COMMD6: variants seen among roughly 807,000 people sequenced by gnomAD.
COMMD6 encodes COMM domain containing 6.
COMMD6 carries 11 observed loss-of-function variants against 13.4 expected under a neutral mutation model. That is an observed-to-expected ratio of 0.82 (90% confidence interval 0.52 to 1.36). The LOEUF (loss-of-function observed/expected upper bound fraction) is 1.36. Among genes scored for constraint, COMMD6 ranks in the 40% most tolerant of loss-of-function variants. The probability of loss-of-function intolerance (pLI) is 0.00; values close to 1 mark genes in which losing one functional copy is unlikely to be tolerated. For synonymous variants in COMMD6, 43 were observed against 36.5 expected (o/e 1.18, Z -0.64); for missense variants, 124 against 102.4 (o/e 1.21, Z -0.91).
intron 2 of COMMD6, chr13:75,530,507 G>GA (rs796782481): frequency 0.017 from 4,534 of 260,482 alleles, 39 homozygotes; most frequent in African/African-American, 0.042. Flanking sequence ...AACAAAAAGT[G>GA]AAAAAAAAAA....
Position 75,530,281 on chromosome 13 carries a change from G to T in COMMD6, c.55-15C>A, listed in dbSNP as rs1354480939. 2.5e-6 allele frequency: 4 copies of T among 1,594,772 alleles called. No individual in the cohort carries two copies. Among genetic ancestry groups the T allele is most frequent in the Non-Finnish European group, 3.4e-6 (4 of 1,169,190 alleles). ...AAATCTACAAGCTTTAATAAGACAG[G>T]ACAAAATAATACATTAGTAGTAACA... On this transcript the variant is annotated splice_polypyrimidine_tract_variant and intron_variant, in intron 2 of 3. Transcript: ENST00000682242.
intron 2 of COMMD6, among the ~76,000 whole-genome samples, chr13:75,532,712 T>G (rs1329274860): frequency 6.6e-6 from 1 of 152,186 alleles, no homozygotes; most frequent in Non-Finnish European, 1.5e-5. Flanking sequence ...ACGCCTGTAG[T>G]CTTAATTTAT....
In COMMD6 at chr13:75,535,453, C is replaced by T. The variant is rs552811575; in HGVS notation, c.54+2211G>A. Among the ~76,000 whole-genome samples, 7 of 152,262 alleles carry T rather than the reference C, an allele frequency of 4.6e-5. No individual in the cohort carries two copies. In the East Asian group the frequency reaches 1.3e-3, roughly 29 times the overall value. On this transcript the variant is annotated intron_variant, in intron 2 of 3. Coordinates refer to ENST00000682242, the MANE Select transcript of COMMD6 (RefSeq NM_203495.4). ...GGAAGACCCTGTTACAAGGCTACTG[C>T]GGTATTCCAGGAAAGAGAATGGCGG...
chr13:75,537,454 T>G (rs761407371), intron 2 of COMMD6: 2 of 1,551,556 alleles, frequency 1.3e-6, no homozygotes, highest in Non-Finnish European at 1.7e-6. Flanking sequence ...TTCGGGCTAG[T>G]GCAGGGTGGG....
Position 75,530,185 on chromosome 13 carries a change from T to A in COMMD6, c.136A>T (p.Met46Leu). The change falls in exon 3 of 4, where the codon ATG (methionine) becomes TTG (leucine). Residue 46 changes from methionine to leucine, a missense_variant. By Grantham distance (15) the Met-to-Leu change is conservative. Coordinates refer to ENST00000682242, the MANE Select transcript of COMMD6 (RefSeq NM_203495.4). ...CCTGAATGATCTGCCACTTTTAGCA[T>A]CACTGCAACGTAAGGATACTTAAGA... is the stretch of plus-strand genomic sequence containing the variant. The part of the protein sequence containing the change: ...RSLKYPYVAV[M>L]LKVADHSGQV... 1.2e-6 allele frequency: 2 copies of A among 1,613,752 alleles called. No individual in the cohort carries two copies. Among genetic ancestry groups the A allele is most frequent in the Non-Finnish European group, 1.7e-6 (2 of 1,179,640 alleles).
At chr13:75,542,290 C>CA (rs1555271391), upstream of COMMD6, among the ~76,000 whole-genome samples, 2 of 138,114 alleles carry the variant, frequency 1.4e-5, no homozygotes, top group Non-Finnish European at 3.1e-5. Context: ...TCTTTCTTTC[C>CA]TTTTTTTTTT....
At position 75,526,350 on chromosome 13, in the gene COMMD6, T is replaced by G. The variant is rs1378514992; in HGVS notation, c.*239A>C. ...GTTAGTCTGATTACATCATTCACATTATCACCAAGTATATCCTCTAAAGTG... is the reference window on the plus strand; with the variant it reads ...GTTAGTCTGATTACATCATTCACATGATCACCAAGTATATCCTCTAAAGTG... On this transcript the variant is annotated 3_prime_UTR_variant, in exon 4 of 4. Coordinates refer to ENST00000682242, the MANE Select transcript of COMMD6 (RefSeq NM_203495.4). 1.5e-5 allele frequency: 6 copies of G among 398,188 alleles called. No individual in the cohort carries two copies. 24.7% of individuals were successfully genotyped at this position (398,188 alleles called of 1,614,324 possible).
chr13:75,547,259 T>C lies in COMMD6; in HGVS notation n.106+2064A>G, dbSNP rs560336141. ...ATCAAGAGGACTCTCGTTTCCAGTA[T>C]AAGAGCTGCAAGAAGAAGGCAGAGT... On this transcript the variant is annotated intron_variant and non_coding_transcript_variant, in intron 1 of 2. Transcript: ENST00000460675. 3.9e-5 allele frequency among the ~76,000 whole-genome samples: 6 copies of C among 152,032 alleles called. No homozygotes were observed. In the East Asian group the frequency reaches 9.6e-4, roughly 24 times the overall value.
At chr13:75,540,643 G>C (rs1196343221), upstream of COMMD6, among the ~76,000 whole-genome samples, 1 of 152,122 alleles carries the variant, frequency 6.6e-6, no homozygotes. Flanking sequence ...TCTTACAAGA[G>C]ATCACTTACA....
chr13:75,543,277 C>G (rs893326667), upstream of COMMD6, among the ~76,000 whole-genome samples: 2 of 152,102 alleles, frequency 1.3e-5, no homozygotes, highest in Non-Finnish European at 2.9e-5. Context: ...GCCCCCCTGA[C>G]ACACAATTTA....
At chr13:75,539,229 C>CT (rs71127551), upstream of COMMD6, among the ~76,000 whole-genome samples, 39,296 of 88,566 alleles carry the variant, frequency 0.44, 5,512 homozygotes, top group Middle Eastern at 0.56. Context: ...AAACAATTAA[C>CT]TTTTTTTTTT....
At chr13:75,544,926 C>CAAAAAAAAAAAAAAAAAAAAAAAA (rs10708731) in intron 1 of COMMD6, among the ~76,000 whole-genome samples, 2 of 104,546 alleles carry the variant, frequency 1.9e-5, no homozygotes, top group African/African-American at 7.0e-5. Context: ...ACTCTGTCTC[C>CAAAAAAAAAAAAAAAAAAAAAAAA]AAAAAAAAAA....
At chr13:75,543,945 C>T (rs1237985629) in intron 1 of COMMD6, among the ~76,000 whole-genome samples, 1 of 152,204 alleles carries the variant, frequency 6.6e-6, no homozygotes. Flanking sequence ...TTAAAGCAGT[C>T]TGGTATTAAT....
chr13:75,544,955 C>G (rs1454408853), intron 1 of COMMD6, among the ~76,000 whole-genome samples: 1 of 101,314 alleles, frequency 9.9e-6, no homozygotes, highest in Non-Finnish European at 2.4e-5. Flanking sequence ...AAAAACAAGA[C>G]TTAAGTAGGT....
chr13:75,547,995 G>A (rs1343864861), intron 1 of COMMD6, among the ~76,000 whole-genome samples: 1 of 152,248 alleles, frequency 6.6e-6, no homozygotes, highest in Admixed American at 6.5e-5. Context: ...GATGCAAACT[G>A]TCTTGCTGTC....
rs1323468224 is a variant in COMMD6, at chr13:75,530,256, A to C, written c.65T>G (p.Phe22Cys). 1 of 1,610,202 alleles carries C rather than the reference A, an allele frequency of 6.2e-7. No individual in the cohort carries two copies. The highest frequency in any genetic ancestry group is 1.3e-5 in the African/African-American group (1 of 74,938). The change falls in exon 3 of 4, where the codon TTT becomes TGT. Residue 22 changes from phenylalanine (F) to cysteine (C), a missense_variant. By Grantham distance (205) the Phe-to-Cys change is radical. Coordinates refer to ENST00000682242, the MANE Select transcript of COMMD6 (RefSeq NM_203495.4). ...KSDVTNQLVD[F>C]QWKLGMAVSS... ...CACAGCCATACCCAGTTTCCACTGA[A>C]AATCTACAAGCTTTAATAAGACAGG... is the stretch of plus-strand genomic sequence containing the variant.
Position 75,526,621 on chromosome 13 carries a change from T to C in COMMD6, c.226A>G (p.Lys76Glu). 6.2e-7 allele frequency: 1 copy of C among 1,606,148 alleles called. No homozygotes were observed. Among genetic ancestry groups the C allele is most frequent in the South Asian group, 1.1e-5 (1 of 89,688 alleles). Residue 76 changes from lysine to glutamate, a missense_variant, in exon 4 of 4, where the codon AAG becomes GAG. By Grantham distance (56) the Lys-to-Glu change is moderately conservative (BLOSUM62 1). Transcript: ENST00000682242. ...PQFQNFYRQF[K>E]EIAAVIETV is the part of the protein sequence containing the mutation. ...GTTTCAATAACTGCAGCAATTTCCT[T>C]GAACTGTCTGTAGAAATTCTGGAGA...
chr13:75,547,299 C>T (rs1176083942), intron 1 of COMMD6, among the ~76,000 whole-genome samples: 1 of 151,946 alleles, frequency 6.6e-6, no homozygotes, highest in Non-Finnish European at 1.5e-5. Flanking sequence ...CCTTGCTCAA[C>T]CTTGGCTGGG....
At chr13:75,531,460 A>T (rs537605624) in intron 2 of COMMD6, among the ~76,000 whole-genome samples, 1 of 152,330 alleles carries the variant, frequency 6.6e-6, no homozygotes, top group African/African-American at 2.4e-5. Flanking sequence ...CTTTCTTTGC[A>T]CCAATCTCCT....
Sources: gnomAD v4.1 joint callset for allele counts (sites outside exome capture counted in the v4.1 genomes callset) on GRCh38, gnomAD v4.1.1 for gene constraint, MANE v1.5 for transcripts, NCBI Gene and HGNC (gene_info 2026-07-23, HGNC 2026-07-21) for gene names.